RRBP1: variants seen among roughly 807,000 people sequenced by gnomAD.
RRBP1 encodes ribosome binding protein 1.
RRBP1 carries 94 observed loss-of-function variants against 165.2 expected under a neutral mutation model. The ratio of observed to expected loss-of-function variants is 0.57; its 90% CI spans 0.48 to 0.68. The LOEUF (loss-of-function observed/expected upper bound fraction) is 0.68, where lower values mean the gene tolerates loss of function less well. Among genes scored for constraint, RRBP1 ranks in the 30% least tolerant of loss-of-function variants. The pLI, the probability that RRBP1 is intolerant of heterozygous loss-of-function variation, is 0.00. For missense variants in RRBP1, 1,676 were observed against 1,763.0 expected (o/e 0.95, Z 0.88); for synonymous variants, 680 against 714.5 (o/e 0.95, Z 0.77).
chr20:17,650,822 C>G (rs1194027503), intron 3 of RRBP1, among the ~76,000 whole-genome samples: 2 of 152,200 alleles, frequency 1.3e-5, no homozygotes, highest in Non-Finnish European at 2.9e-5. Flanking sequence ...AGTACAAGAT[C>G]AGGGCAGCCC....
chr20:17,620,686 C>T (rs756896910), intron 17 of RRBP1, 29 bp downstream of exon 17: 25 of 1,560,224 alleles, frequency 1.6e-5, no homozygotes, highest in Admixed American at 8.4e-5. Context: ...TGCTCCACGG[C>T]GCCGGGAGGC....
chr20:17,664,580 C>T (rs1202644489), intron 2 of RRBP1, among the ~76,000 whole-genome samples: 1 of 152,244 alleles, frequency 6.6e-6, no homozygotes, highest in Admixed American at 6.5e-5. Flanking sequence ...GGCTCTTCTT[C>T]TGTTCTTAAG....
intron 3 of RRBP1, among the ~76,000 whole-genome samples, chr20:17,648,288 G>T (rs577362787): frequency 6.6e-6 from 1 of 152,362 alleles, no homozygotes; most frequent in African/African-American, 2.4e-5. Context: ...AGCTTTATGA[G>T]ACCCTGGAGG....
intron 2 of RRBP1, among the ~76,000 whole-genome samples, chr20:17,678,751 T>A (rs2037126496): frequency 6.6e-6 from 1 of 152,222 alleles, no homozygotes; most frequent in African/African-American, 2.4e-5. Context: ...TTTACTTAAT[T>A]TGAATTGTTT....
chr20:17,641,737 G>A, intron 5 of RRBP1, 60 bp downstream of exon 5: 7 of 1,598,710 alleles, frequency 4.4e-6, no homozygotes, highest in Admixed American at 1.7e-5. Context: ...CCGTGGATGG[G>A]GCGGGGGTCC....
At position 17,632,571 on chromosome 20, in the gene RRBP1, C is replaced by T. The variant is rs535360711; in HGVS notation, c.2610+889G>A. On this transcript the variant is annotated intron_variant, in intron 8 of 24. Transcript: ENST00000377813. ...CGCTCAAACATCACTCTTAAAATTT[C>T]GTGTCTGTTCTAGTTCCAAGAGGCA... 3.9e-5 allele frequency among the ~76,000 whole-genome samples: 6 copies of T among 152,328 alleles called. No homozygotes were observed. In the South Asian group the frequency reaches 6.2e-4, roughly 16 times the overall value.
intron 3 of RRBP1, among the ~76,000 whole-genome samples, chr20:17,648,489 C>T (rs550716947): frequency 6.6e-6 from 1 of 152,356 alleles, no homozygotes; most frequent in South Asian, 2.1e-4. Flanking sequence ...GCCAAGGAGG[C>T]GCAGCTGCAC....
intron 2 of RRBP1, among the ~76,000 whole-genome samples, chr20:17,668,851 T>C (rs936983064): frequency 6.6e-6 from 1 of 152,132 alleles, no homozygotes; most frequent in Admixed American, 6.5e-5. Flanking sequence ...CAGGTCCCAG[T>C]CACTCGCTGC....
At chr20:17,674,895 T>C (rs895852847) in intron 2 of RRBP1, among the ~76,000 whole-genome samples, 6 of 152,216 alleles carry the variant, frequency 3.9e-5, no homozygotes, top group African/African-American at 1.4e-4. Flanking sequence ...GTGTCGTCAC[T>C]GAAATGCTCA....
intron 7 of RRBP1, among the ~76,000 whole-genome samples, chr20:17,634,163 G>A (rs1600741683): frequency 6.6e-6 from 1 of 152,254 alleles, no homozygotes; most frequent in African/African-American, 2.4e-5. Flanking sequence ...AAAGGAAAAG[G>A]GGGCAGCTGG....
intron 3 of RRBP1, among the ~76,000 whole-genome samples, chr20:17,656,479 TAAG>T (rs1442809737): frequency 2.0e-5 from 3 of 152,234 alleles, no homozygotes; most frequent in African/African-American, 7.2e-5. Context: ...TTGGCGGGTC[TAAG>T]AAGACTTTTC....
At position 17,614,874 on chromosome 20, in the gene RRBP1, G is replaced by C. The variant is rs1428873710; in HGVS notation, c.4057C>G (p.Leu1353Val). The change falls in exon 24 of 25, where the codon CTA becomes GTA. Residue 1353 changes from leucine to valine, a missense_variant. Transcript: ENST00000377813. Reference protein sequence around the residue: ...TEEASQLKERLEKEKKLTSDL... With the variant: ...TEEASQLKERVEKEKKLTSDL... ...CTTGTTAACTTCTTCTCTTTTTCTA[G>C]TCTCTCCTGATGGTCAGAAGGTTGA... 2 of 1,613,138 alleles carry C rather than the reference G, an allele frequency of 1.2e-6. No homozygotes were observed. Among genetic ancestry groups the C allele is most frequent in the Admixed American group, 3.3e-5 (2 of 60,026 alleles).
intron 2 of RRBP1, among the ~76,000 whole-genome samples, chr20:17,662,217 C>T (rs768596500): frequency 1.4e-4 from 21 of 151,522 alleles, no homozygotes; most frequent in Admixed American, 6.6e-4. Flanking sequence ...GAGCCAAGAT[C>T]GCGCCACTGC....
At chr20:17,663,759 T>C (rs1467062614) in intron 2 of RRBP1, among the ~76,000 whole-genome samples, 1 of 152,106 alleles carries the variant, frequency 6.6e-6, no homozygotes, top group Non-Finnish European at 1.5e-5. Flanking sequence ...TTCCGGGAGA[T>C]TTGCTCCTGA....
At chr20:17,615,020 G>A (rs2035770385) in intron 23 of RRBP1, 140 bp from the exon 24 acceptor site, 2 of 960,260 alleles carry the variant, frequency 2.1e-6, no homozygotes, top group African/African-American at 1.6e-5. Context: ...CCGGAGATAG[G>A]TGGTGACGAC....
At chr20:17,622,518 G>T (rs925148301) in intron 13 of RRBP1, among the ~76,000 whole-genome samples, 1 of 151,996 alleles carries the variant, frequency 6.6e-6, no homozygotes, top group African/African-American at 2.4e-5. Context: ...GGAGAGGGTG[G>T]ATCAGCATTC....
At chr20:17,618,477 C>T (rs1404497021) in intron 20 of RRBP1, 119 bp downstream of exon 20, 2 of 846,094 alleles carry the variant, frequency 2.4e-6, no homozygotes, top group East Asian at 5.0e-5. Context: ...CAACGGGTGA[C>T]ACTGTCCCTT....
chr20:17,667,553 C>A (rs1379431158), intron 2 of RRBP1, among the ~76,000 whole-genome samples: 2 of 152,172 alleles, frequency 1.3e-5, no homozygotes, highest in Non-Finnish European at 2.9e-5. Context: ...AACACATCTT[C>A]CTAACATCCA....
chr20:17,669,735 G>C (rs2036940718), intron 2 of RRBP1, among the ~76,000 whole-genome samples: 1 of 152,114 alleles, frequency 6.6e-6, no homozygotes, highest in South Asian at 2.1e-4. Flanking sequence ...TGGTAGCTCT[G>C]AAGTTTCGTT....
Sources: allele counts gnomAD v4.1 joint callset (sites outside exome capture counted in the v4.1 genomes callset), GRCh38; gene constraint gnomAD v4.1.1; transcripts MANE v1.5; gene names NCBI Gene and HGNC (gene_info 2026-07-23, HGNC 2026-07-21).